Variants in EEF2 observed in about 807,000 individuals in gnomAD.
EEF2 encodes elongation factor 2.
EEF2 carries 21 observed loss-of-function variants against 85.3 expected under a neutral mutation model. That is an observed-to-expected ratio of 0.25 (90% CI 0.17 to 0.35). The LOEUF is 0.35. Ranked by LOEUF, EEF2 falls within the 10% of genes least tolerant of loss-of-function variation. The pLI is 1.00. For synonymous variants in EEF2, 723 were observed against 508.8 expected (o/e 1.42, Z -5.67); for missense variants, 825 against 1,225.3 (o/e 0.67, Z 4.88).
Position 3,980,980 on chromosome 19 carries a change from C to A in EEF2, c.1012-1G>T. On this transcript the variant is annotated splice_acceptor_variant, in intron 7 of 14. Coordinates refer to ENST00000309311, the MANE Select transcript of EEF2 (RefSeq NM_001961.4). LOFTEE classifies it high-confidence loss of function. ...CAGGCAGCCAGCGGCGCATCACAGC[C>A]TGCGGGGGCAGAGAGCGGTGCATGA... 1 of 1,570,228 alleles carries A rather than the reference C, an allele frequency of 6.4e-7. No individual in the cohort carries two copies.
intron 1 of EEF2, chr19:3,984,667 G>T (rs1416759054): frequency 9.5e-6 from 3 of 317,004 alleles, no homozygotes; most frequent in Non-Finnish European, 1.8e-5. Context: ...AACACGTAAG[G>T]GATGAATCCT....
In EEF2 at chr19:3,980,531, G is replaced by A. The variant is rs752629059; in HGVS notation, c.1329C>T (p.Tyr443=). The change falls in exon 9 of 15, where the codon TAC becomes TAT. Residue 443 remains tyrosine (Y), a synonymous_variant. Transcript: ENST00000309311. ...CTGCTCACCTCTGGATTGGCTTCAGGTAGAGGTCCTCCTTCTTCCCAGGGG... is the reference window on the plus strand; with the variant it reads ...CTGCTCACCTCTGGATTGGCTTCAGATAGAGGTCCTCCTTCTTCCCAGGGG... ...NYTPGKKEDL[Y]LKPIQRTILM... The A allele has an allele frequency of 2.1e-5, 34 of 1,613,758 alleles. No individual in the cohort carries two copies. Among genetic ancestry groups the A allele is most frequent in the South Asian group, 3.3e-5 (3 of 91,090 alleles).
At chr19:3,980,493 G>C (rs762073621) in intron 9 of EEF2, 21 bp downstream of exon 9, 1 of 1,605,232 alleles carries the variant, frequency 6.2e-7, no homozygotes, top group South Asian at 1.1e-5. Context: ...CAAGGGGCCT[G>C]CACATCACCC....
chr19:3,977,554 G>A lies in EEF2; in HGVS notation c.2124C>T (p.Thr708=), dbSNP rs766140202. ...CGCGGTGGATGGCGTCGGCGTGCAG[G>A]GTGACGTCGTGGACGTCGAAGCGCA... ...RGVRFDVHDV[T]LHADAIHRGG... Residue 708 remains threonine, a synonymous_variant, in exon 13 of 15, where the codon ACC becomes ACT. Coordinates refer to ENST00000309311, the MANE Select transcript of EEF2 (RefSeq NM_001961.4). This position sits in a 1 kb window ranked among gnomAD's most constrained non-coding sequence, Gnocchi z 5.4. 7 of 1,582,178 alleles carry A rather than the reference G, an allele frequency of 4.4e-6. No homozygotes were observed. Among genetic ancestry groups the A allele is most frequent in the Non-Finnish European group, 4.3e-6 (5 of 1,169,760 alleles).
rs1447697751 is a variant in EEF2, at chr19:3,980,863, G to A, written c.1128C>T (p.Pro376=). 4.5e-6 allele frequency: 7 copies of A among 1,563,754 alleles called. No individual in the cohort carries two copies. In the East Asian group the frequency reaches 9.5e-5, roughly 21 times the overall value. Residue 376 remains proline, a synonymous_variant, in exon 8 of 15, where the codon CCC becomes CCT. Coordinates refer to ENST00000309311, the MANE Select transcript of EEF2 (RefSeq NM_001961.4). Reference sequence around the variant, plus strand: ...TACCCATGGCAGCCTCGTCGTCCGGGGGCCCCTCGTACAGGAGCTCGCAGC... The same window carrying A: ...TACCCATGGCAGCCTCGTCGTCCGGAGGCCCCTCGTACAGGAGCTCGCAGC... ...KYRCELLYEG[P]PDDEAAMGIK...
In EEF2 at chr19:3,977,565, G is replaced by C. The variant is rs200627243; in HGVS notation, c.2113C>G (p.His705Asp). 2 of 1,570,692 alleles carry C rather than the reference G, an allele frequency of 1.3e-6. No homozygotes were observed. The highest frequency in any genetic ancestry group is 4.5e-5 in the East Asian group (2 of 44,460). The change falls in exon 13 of 15, where the codon CAC becomes GAC. Residue 705 changes from histidine (H) to aspartate (D), a missense_variant. His to Asp is a moderately conservative substitution (Grantham distance 81, BLOSUM62 -1). Transcript: ENST00000309311. This position sits in a 1 kb window ranked among gnomAD's most constrained non-coding sequence, Gnocchi z 5.4. ...ENMRGVRFDV[H>D]DVTLHADAIH... ...GCGTCGGCGTGCAGGGTGACGTCGT[G>C]GACGTCGAAGCGCACACCCCGCATG...
At position 3,982,965 on chromosome 19, in the gene EEF2, T is replaced by C; in HGVS notation, c.454A>G (p.Lys152Glu). 1 of 1,612,942 alleles carries C rather than the reference T, an allele frequency of 6.2e-7. No homozygotes were observed. Among genetic ancestry groups the C allele is most frequent in the Non-Finnish European group, 8.5e-7 (1 of 1,179,958 alleles). ...VLRQAIAERI[K>E]PVLMMNKMDR... ...ATCTTGTTCATCATCAGCACAGGCTTGATGCGCTCGGCAATGGCCTGCCGC... is the reference window on the plus strand; with the variant it reads ...ATCTTGTTCATCATCAGCACAGGCTCGATGCGCTCGGCAATGGCCTGCCGC... The change falls in exon 4 of 15, where the codon AAG becomes GAG. Residue 152 changes from lysine (K) to glutamate (E), a missense_variant. Transcript: ENST00000309311.
At position 3,976,765 on chromosome 19, in the gene EEF2, A is replaced by C; in HGVS notation, c.2384-18T>G. The C allele has an allele frequency of 6.5e-7, 1 of 1,534,564 alleles. No individual in the cohort carries two copies. Among genetic ancestry groups the C allele is most frequent in the South Asian group, 1.2e-5 (1 of 81,020 alleles). ...GGTGAAGCCTGCAGAGGGAAGCGAG[A>C]GGCTCACTGGGCCATCGAGAAGGTG... On this transcript the variant is annotated intron_variant, in intron 14 of 14. Coordinates refer to ENST00000309311, the MANE Select transcript of EEF2 (RefSeq NM_001961.4).
chr19:3,982,295 C>G lies in EEF2; in HGVS notation c.742G>C (p.Glu248Gln). Residue 248 changes from glutamate to glutamine, a missense_variant, in exon 5 of 15, where the codon GAG (glutamate) becomes CAG (glutamine). Coordinates refer to ENST00000309311, the MANE Select transcript of EEF2 (RefSeq NM_001961.4). ...ATGTCCTCTACTTTCTTGGCCCGCTCGGCAGGCCCCAACTGGCCCTCCCCC... is the reference window on the plus strand; with the variant it reads ...ATGTCCTCTACTTTCTTGGCCCGCTGGGCAGGCCCCAACTGGCCCTCCCCC... ...AKGEGQLGPA[E>Q]RAKKVEDMMK... The G allele has an allele frequency of 6.2e-7, 1 of 1,614,190 alleles. No individual in the cohort carries two copies. Among genetic ancestry groups the G allele is most frequent in the Non-Finnish European group, 8.5e-7 (1 of 1,180,036 alleles).
chr19:3,979,731 C>T, intron 10 of EEF2, 77 bp downstream of exon 10: 1 of 1,550,992 alleles, frequency 6.4e-7, no homozygotes, highest in Non-Finnish European at 8.7e-7. Context: ...ACCACAGCAA[C>T]CCACACAGCC....
intron 10 of EEF2, 139 bp from the exon 11 acceptor site, chr19:3,979,575 C>G (rs903928521): frequency 1.2e-5 from 11 of 932,016 alleles, no homozygotes; most frequent in Middle Eastern, 2.2e-4. Flanking sequence ...CCAGCACAAA[C>G]TCCTGAAGAA....
Position 3,981,372 on chromosome 19 carries a change from C to T in EEF2, c.978G>A (p.Glu326=), listed in dbSNP as rs1568201082. ...GGGGTTTGCCTTCTTTGTCCTTGTC[C>T]TCGCTGTCCAGTTTGATGTCCAGTT... ...IEKLDIKLDS[E]DKDKEGKPLL... is the part of the protein sequence containing the mutation. The change falls in exon 7 of 15, where the codon GAG becomes GAA. Residue 326 remains glutamate, a synonymous_variant. Transcript: ENST00000309311. 3 of 1,614,228 alleles carry T rather than the reference C, an allele frequency of 1.9e-6. No individual in the cohort carries two copies. Among genetic ancestry groups the T allele is most frequent in the Non-Finnish European group, 2.5e-6 (3 of 1,180,038 alleles).
In EEF2 at chr19:3,982,271, T is replaced by C. The variant is rs1180823908; in HGVS notation, c.766A>G (p.Met256Val). ...PAERAKKVEDMMKKLWGDRYF... is the reference protein window; with the variant it reads ...PAERAKKVEDVMKKLWGDRYF... ...CTGTCACCCCACAGCTTCTTCATCA[T>C]GTCCTCTACTTTCTTGGCCCGCTCG... The change falls in exon 5 of 15, where the codon ATG becomes GTG. Residue 256 changes from methionine (M) to valine (V), a missense_variant. Coordinates refer to ENST00000309311, the MANE Select transcript of EEF2 (RefSeq NM_001961.4). 4.3e-6 allele frequency: 7 copies of C among 1,614,092 alleles called. No individual in the cohort carries two copies. The highest frequency in any genetic ancestry group is 1.6e-4 in the Middle Eastern group (1 of 6,084).
At chr19:3,978,803 CAAAAAA>C (rs58074233) in intron 11 of EEF2, among the ~76,000 whole-genome samples, 27 of 36,832 alleles carry the variant, frequency 7.3e-4, no homozygotes, top group Admixed American at 5.0e-3. Context: ...ACTCTTGTCT[CAAAAAA>C]AAAAAAAAAA....
At chr19:3,981,079 G>A in intron 7 of EEF2, 100 bp from the exon 8 acceptor site, 1 of 1,478,936 alleles carries the variant, frequency 6.8e-7, no homozygotes, top group African/African-American at 1.4e-5. Context: ...CCAAAGTCAG[G>A]ACTAACGTTC....
chr19:3,976,816 G>C, intron 14 of EEF2, 69 bp from the exon 15 acceptor site: 1 of 1,438,668 alleles, frequency 7.0e-7, no homozygotes, highest in Non-Finnish European at 9.1e-7. Context: ...AGTCCTGTCA[G>C]GAGCTCAGGC....
At chr19:3,978,394 G>A (rs1379073088) in intron 11 of EEF2, among the ~76,000 whole-genome samples, 1 of 152,276 alleles carries the variant, frequency 6.6e-6, no homozygotes, top group African/African-American at 2.4e-5. Context: ...CAGAAACCAC[G>A]GGCTTGTGGA....
In EEF2 at chr19:3,983,198, G is replaced by A; in HGVS notation, c.312C>T (p.Asp104=). ...DGAGFLINLI[D]SPGHVDFSSE... ...AGGAGAAGTCGACATGCCCGGGGGA[G>A]TCAATGAGGTTGATGAGGAAGCCGG... Residue 104 remains aspartate (D), a synonymous_variant, in exon 3 of 15, where the codon GAC becomes GAT. Coordinates refer to ENST00000309311, the MANE Select transcript of EEF2 (RefSeq NM_001961.4). 6.2e-7 allele frequency: 1 copy of A among 1,614,086 alleles called. No individual in the cohort carries two copies. Among genetic ancestry groups the A allele is most frequent in the South Asian group, 1.1e-5 (1 of 91,074 alleles).
In EEF2 at chr19:3,977,659, C is replaced by G; in HGVS notation, c.2068-49G>C. The G allele has an allele frequency of 6.8e-7, 1 of 1,476,812 alleles. No homozygotes were observed. The highest frequency in any genetic ancestry group is 1.4e-5 in the African/African-American group (1 of 71,384). The allele number at this position is 1,476,812 out of a possible 1,614,324, so 91.5% of individuals were successfully genotyped here. On this transcript the variant is annotated intron_variant, in intron 12 of 14. Transcript: ENST00000309311. This position sits in a 1 kb window ranked among gnomAD's most constrained non-coding sequence, Gnocchi z 5.4. The stretch of plus-strand genomic sequence containing the variant: ...TCAAGGGCCGGACACACCTCGGCTG[C>G]TTGCCCTCCACCTGCCAAGTCCTGC...
Sources: allele counts gnomAD v4.1 joint callset (sites outside exome capture counted in the v4.1 genomes callset), GRCh38; gene constraint gnomAD v4.1.1; non-coding constraint Gnocchi (gnomAD v3.1); transcripts MANE v1.5; gene names NCBI Gene and HGNC (gene_info 2026-07-23, HGNC 2026-07-21).